Variants in DOCK4 observed in about 807,000 individuals in gnomAD.
DOCK4 encodes dedicator of cytokinesis protein 4.
In DOCK4, 97 loss-of-function variants were observed where a neutral mutation model predicts 268.1. The ratio of observed to expected loss-of-function variants is 0.36; its 90% CI spans 0.31 to 0.43. The LOEUF is 0.43. Ranked by LOEUF, DOCK4 falls within the 20% of genes least tolerant of loss-of-function variation. The pLI is 1.00. For missense variants in DOCK4, 2,145 were observed against 2,455.7 expected (o/e 0.87, Z 2.67); for synonymous variants, 954 against 887.2 (o/e 1.08, Z -1.34).
At chr7:112,132,290 T>G (rs1813880436) in intron 1 of DOCK4, among the ~76,000 whole-genome samples, 1 of 152,100 alleles carries the variant, frequency 6.6e-6, no homozygotes, top group Admixed American at 6.5e-5. Flanking sequence ...ACAGTTCTGC[T>G]TGAATTTAGG....
chr7:111,842,868 A>T (rs1803805057), intron 25 of DOCK4, among the ~76,000 whole-genome samples: 1 of 152,178 alleles, frequency 6.6e-6, no homozygotes. Flanking sequence ...CAAGTGGCGA[A>T]CCTGGATTTC....
At chr7:111,959,592 A>T (rs1002866524) in intron 8 of DOCK4, among the ~76,000 whole-genome samples, 1 of 152,306 alleles carries the variant, frequency 6.6e-6, no homozygotes, top group Non-Finnish European at 1.5e-5. Flanking sequence ...ATACACAAAA[A>T]TATTAGCATT....
chr7:112,205,446 A>C (rs753008338), intron 1 of DOCK4, among the ~76,000 whole-genome samples: 27 of 152,182 alleles, frequency 1.8e-4, no homozygotes, highest in Admixed American at 1.3e-4. Context: ...CAAAGAACCG[A>C]GCGGCGCAGA....
intron 1 of DOCK4, among the ~76,000 whole-genome samples, chr7:112,049,921 T>C (rs1301568199): frequency 6.6e-6 from 1 of 152,170 alleles, no homozygotes; most frequent in Non-Finnish European, 1.5e-5. Flanking sequence ...ATCTGAATAT[T>C]AGCTTCACCA....
At position 111,737,917 on chromosome 7, in the gene DOCK4, T is replaced by A. The variant is rs544831751; in HGVS notation, c.5233-928A>T. On this transcript the variant is annotated intron_variant, in intron 49 of 52. Coordinates refer to ENST00000428084, the MANE Select transcript of DOCK4 (RefSeq NM_001363540.2). ...TATAATTTCTGCAAGACATCAGCGT[T>A]GTGCAGAGGCGGTACCCTGGGACTT... is the stretch of plus-strand genomic sequence containing the variant. Among the ~76,000 whole-genome samples, 275 of 152,328 alleles carry A rather than the reference T, an allele frequency of 1.8e-3. 1 individual carries two copies. The highest frequency in any genetic ancestry group is 6.4e-3 in the African/African-American group (266 of 41,562).
intron 25 of DOCK4, among the ~76,000 whole-genome samples, chr7:111,836,814 T>C (rs1032713993): frequency 1.3e-5 from 2 of 151,962 alleles, no homozygotes; most frequent in African/African-American, 4.8e-5. Context: ...GGTAGGGCAG[T>C]AGAAATTCTC....
At chr7:111,826,857 A>C (rs1453085947) in intron 26 of DOCK4, among the ~76,000 whole-genome samples, 1 of 152,196 alleles carries the variant, frequency 6.6e-6, no homozygotes, top group African/African-American at 2.4e-5. Context: ...ACAAACCTGC[A>C]CATGTACCAC....
intron 31 of DOCK4, chr7:111,789,339 T>C (rs1799379448): frequency 2.0e-5 from 3 of 153,150 alleles, no homozygotes; most frequent in African/African-American, 7.2e-5. Context: ...CATTTATATT[T>C]TCCAGGATGT....
intron 28 of DOCK4, among the ~76,000 whole-genome samples, 185 bp from the exon 29 acceptor site, chr7:111,809,586 C>G (rs1800931227): frequency 6.6e-6 from 1 of 152,168 alleles, no homozygotes; most frequent in Admixed American, 6.5e-5. Context: ...ACTATTCTCT[C>G]TACTTGTACA....
At chr7:111,902,570 C>T (rs1791230448) in intron 13 of DOCK4, among the ~76,000 whole-genome samples, 1 of 152,112 alleles carries the variant, frequency 6.6e-6, no homozygotes, top group Non-Finnish European at 1.5e-5. Flanking sequence ...GTGCTAACAG[C>T]ATGCTTTTAC....
chr7:111,872,886 CT>C (rs1170311721), intron 17 of DOCK4, among the ~76,000 whole-genome samples: 1 of 152,206 alleles, frequency 6.6e-6, no homozygotes, highest in Non-Finnish European at 1.5e-5. Flanking sequence ...CACAGTAGCA[CT>C]TACAAATCCT....
At chr7:111,958,739 C>T (rs1380155844) in intron 8 of DOCK4, among the ~76,000 whole-genome samples, 1 of 152,108 alleles carries the variant, frequency 6.6e-6, no homozygotes, top group Non-Finnish European at 1.5e-5. Flanking sequence ...TATAATGATG[C>T]AGTAATTTAC....
intron 45 of DOCK4, 150 bp downstream of exon 45, chr7:111,741,863 A>G: frequency 7.8e-7 from 1 of 1,279,130 alleles, no homozygotes; most frequent in Non-Finnish European, 1.0e-6. Context: ...CAAATAGCAG[A>G]CAAGGCAATT....
chr7:111,913,040 T>C (rs1423236512), intron 13 of DOCK4, among the ~76,000 whole-genome samples: 1 of 151,962 alleles, frequency 6.6e-6, no homozygotes, highest in African/African-American at 2.4e-5. Context: ...CTTGGCTCAC[T>C]GCAACCTCCG....
chr7:111,977,459 TG>T (rs1210971255), intron 7 of DOCK4, among the ~76,000 whole-genome samples, 176 bp from the exon 8 acceptor site: 1 of 152,216 alleles, frequency 6.6e-6, no homozygotes, highest in Non-Finnish European at 1.5e-5. Flanking sequence ...TTTCAGACTG[TG>T]GACATAGAAA....
At chr7:111,787,603 AATCT>A (rs952414235) in intron 32 of DOCK4, among the ~76,000 whole-genome samples, 2 of 152,164 alleles carry the variant, frequency 1.3e-5, no homozygotes, top group African/African-American at 4.8e-5. Flanking sequence ...GGCATGCTGA[AATCT>A]ATCTAACCTA....
Position 112,060,052 on chromosome 7 carries a change from G to A in DOCK4, c.38-55921C>T, listed in dbSNP as rs557945575. ...GATATTCATTTTTGGAACTCCAAGA[G>A]CTTGACACCAAGTTCATAGGACACA... On this transcript the variant is annotated intron_variant, in intron 1 of 52. Transcript: ENST00000428084. Among the ~76,000 whole-genome samples, 11 of 152,334 alleles carry A rather than the reference G, an allele frequency of 7.2e-5. No individual in the cohort carries two copies. In the South Asian group the frequency reaches 2.1e-3, roughly 29 times the overall value.
At chr7:111,921,975 T>C (rs1410127902) in intron 12 of DOCK4, among the ~76,000 whole-genome samples, 1 of 152,210 alleles carries the variant, frequency 6.6e-6, no homozygotes, top group Non-Finnish European at 1.5e-5. Context: ...CAAAGGCAAA[T>C]ATGTCTGTAT....
At chr7:111,732,656 T>TG (rs941804946) in intron 51 of DOCK4, 2 of 214,520 alleles carry the variant, frequency 9.3e-6, no homozygotes, top group African/African-American at 4.6e-5. Flanking sequence ...GAGCAGTTCT[T>TG]GGGGAACAGC....
Sources: allele counts gnomAD v4.1 joint callset (sites outside exome capture counted in the v4.1 genomes callset), GRCh38; gene constraint gnomAD v4.1.1; transcripts MANE v1.5; gene names NCBI Gene and HGNC (gene_info 2026-07-23, HGNC 2026-07-21).